The following TLL1 variants were observed in gnomAD, a reference collection of about 807,000 sequenced individuals.
TLL1 encodes the protein tolloid-like protein 1.
TLL1 carries 49 observed loss-of-function variants against 128.2 expected under a neutral mutation model. That is an observed-to-expected ratio of 0.38 (90% confidence interval 0.30 to 0.48). The LOEUF (loss-of-function observed/expected upper bound fraction) is 0.48. TLL1 is among the 20% of genes least tolerant of loss of function. The probability of loss-of-function intolerance (pLI) is 0.96; values close to 1 mark genes in which losing one functional copy is unlikely to be tolerated. For missense variants in TLL1, 1,123 were observed against 1,242.0 expected (o/e 0.90, Z 1.44); for synonymous variants, 454 against 418.8 (o/e 1.08, Z -1.03).
intron 1 of TLL1, among the ~76,000 whole-genome samples, chr4:165,962,078 A>G (rs1348851158): frequency 6.6e-6 from 1 of 152,142 alleles, no homozygotes; most frequent in Non-Finnish European, 1.5e-5. Flanking sequence ...AACAAGTGGG[A>G]TCTAATCAAA....
intron 1 of TLL1, among the ~76,000 whole-genome samples, chr4:165,966,854 C>T (rs1381564290): frequency 6.6e-6 from 1 of 152,074 alleles, no homozygotes; most frequent in Non-Finnish European, 1.5e-5. Context: ...GTTTTATGTC[C>T]CACTGGGCAC....
In TLL1 at chr4:166,066,198, T is replaced by C. The variant is rs1431531709; in HGVS notation, c.2188+335T>C. On this transcript the variant is annotated intron_variant, in intron 16 of 20. Transcript: ENST00000061240. ...TCTTATTTTAATATATTTTCATTAT[T>C]ATTAAGTTAATATTAAAATTGTGCT... is the stretch of plus-strand genomic sequence containing the variant. 3.3e-5 allele frequency among the ~76,000 whole-genome samples: 5 copies of C among 151,698 alleles called. No homozygotes were observed. The East Asian group carries it at 9.7e-4, about 29-fold the overall frequency.
chr4:165,914,493 A>G (rs1380314205), intron 1 of TLL1, among the ~76,000 whole-genome samples: 1 of 152,248 alleles, frequency 6.6e-6, no homozygotes, highest in African/African-American at 2.4e-5. Context: ...GACAGCAAGC[A>G]TGGATATTGA....
chr4:165,963,555 T>C (rs896479547), intron 1 of TLL1, among the ~76,000 whole-genome samples: 8 of 152,176 alleles, frequency 5.3e-5, no homozygotes, highest in Non-Finnish European at 8.8e-5. Flanking sequence ...AACTTAAATG[T>C]TGTAATTTTA....
chr4:166,099,141 T>C lies in TLL1; in HGVS notation c.2657-136T>C. On this transcript the variant is annotated intron_variant, in intron 19 of 20. Transcript: ENST00000061240. ...ATGACACTATCTGACTCTCCAGTTG[T>C]GGAAAACATATCTGACGCTGGAAGT... 2.9e-6 allele frequency: 4 copies of C among 1,392,372 alleles called. No homozygotes were observed. In the Admixed American group the frequency reaches 6.9e-5, roughly 24 times the overall value. The allele number at this position is 1,392,372 out of a possible 1,614,324, so 86.3% of individuals were successfully genotyped here. A position where few individuals can be genotyped will look rare whatever the true frequency, so the allele number is the denominator to read the frequency against.
At chr4:165,879,484 C>T (rs926043336) in intron 1 of TLL1, among the ~76,000 whole-genome samples, 3 of 152,116 alleles carry the variant, frequency 2.0e-5, no homozygotes, top group Non-Finnish European at 4.4e-5. Flanking sequence ...TTGATATGAT[C>T]GCTTACAGAA....
chr4:165,985,650 G>T (rs1189186397), intron 1 of TLL1, among the ~76,000 whole-genome samples: 1 of 151,990 alleles, frequency 6.6e-6, no homozygotes, highest in African/African-American at 2.4e-5. Flanking sequence ...GGGGACATGG[G>T]TGGAAGTGGC....
Position 165,929,738 on chromosome 4 carries a change from A to G in TLL1, c.169+55665A>G, listed in dbSNP as rs1733431686. Among the ~76,000 whole-genome samples the G allele has an allele frequency of 2.6e-5, 4 of 152,322 alleles. No individual in the cohort carries two copies. The South Asian group carries it at 8.3e-4, about 32-fold the overall frequency. ...CTGACTTCTATTTCTAGCCTAGCAG[A>G]TAACTTTTTGTGACACATTATTCCT... On this transcript the variant is annotated intron_variant, in intron 1 of 20. Coordinates refer to ENST00000061240, the MANE Select transcript of TLL1 (RefSeq NM_012464.5).
intron 15 of TLL1, 139 bp from the exon 16 acceptor site, chr4:166,065,544 T>C: frequency 3.6e-6 from 3 of 822,358 alleles, no homozygotes; most frequent in South Asian, 3.3e-5. Context: ...GTGTCTGACC[T>C]GATTTTTTTC....
At chr4:166,038,727 T>A (rs1424747874) in intron 9 of TLL1, among the ~76,000 whole-genome samples, 1 of 152,194 alleles carries the variant, frequency 6.6e-6, no homozygotes, top group Non-Finnish European at 1.5e-5. Flanking sequence ...TGCTGTAACT[T>A]GAAAGGTCTT....
rs1737847103 is a variant in TLL1, at chr4:166,014,523, A to G, written c.1005A>G (p.Gly335=). ...AIGQRTRLSK[G]DIAQARKLYR... Reference sequence around the variant, plus strand: ...GTCAGCGAACCCGTCTAAGCAAAGGAGATATCGCACAGGCAAGAAAGCTGT... The same window carrying G: ...GTCAGCGAACCCGTCTAAGCAAAGGGGATATCGCACAGGCAAGAAAGCTGT... Residue 335 remains glycine, a synonymous_variant, in exon 8 of 21, where the codon GGA becomes GGG. Transcript: ENST00000061240. 6.2e-7 allele frequency: 1 copy of G among 1,612,338 alleles called. No individual in the cohort carries two copies. Among genetic ancestry groups the G allele is most frequent in the Admixed American group, 1.7e-5 (1 of 59,892 alleles).
chr4:165,980,061 T>C (rs1257838674), intron 1 of TLL1, among the ~76,000 whole-genome samples: 3 of 152,142 alleles, frequency 2.0e-5, no homozygotes, highest in Admixed American at 6.5e-5. Flanking sequence ...ACCGTATCCA[T>C]GTTATCATTA....
At chr4:165,939,386 T>A (rs1320054285) in intron 1 of TLL1, among the ~76,000 whole-genome samples, 3 of 152,136 alleles carry the variant, frequency 2.0e-5, no homozygotes, top group Non-Finnish European at 1.5e-5. Flanking sequence ...GCAGGTTTAT[T>A]ATATACTTAG....
intron 1 of TLL1, among the ~76,000 whole-genome samples, chr4:165,961,949 G>A (rs528587788): frequency 2.8e-4 from 43 of 152,074 alleles, no homozygotes; most frequent in South Asian, 1.0e-3. Context: ...ACTAGACATC[G>A]AAGAAACATG....
intron 5 of TLL1, among the ~76,000 whole-genome samples, chr4:166,003,007 A>G (rs1737239889): frequency 6.6e-6 from 1 of 152,226 alleles, no homozygotes. Flanking sequence ...GGATAAAATT[A>G]TATTAGAAAT....
At chr4:166,002,110 G>A (rs1395384656) in intron 5 of TLL1, among the ~76,000 whole-genome samples, 1 of 152,188 alleles carries the variant, frequency 6.6e-6, no homozygotes, top group African/African-American at 2.4e-5. Context: ...CAGTTCTGGA[G>A]ACGCGGCACT....
chr4:165,946,410 ACTG>A (rs1561046474), intron 1 of TLL1, among the ~76,000 whole-genome samples: 1 of 151,710 alleles, frequency 6.6e-6, no homozygotes, highest in East Asian at 1.9e-4. Context: ...ATCATAGCTC[ACTG>A]CAGCCTTGAC....
At chr4:166,052,508 G>T (rs971708218) in intron 12 of TLL1, among the ~76,000 whole-genome samples, 3 of 152,104 alleles carry the variant, frequency 2.0e-5, no homozygotes, top group Non-Finnish European at 4.4e-5. Flanking sequence ...CCTTGGCCAG[G>T]CTGGTCTTGA....
intron 1 of TLL1, among the ~76,000 whole-genome samples, chr4:165,988,647 T>A (rs574374561): frequency 1.4e-3 from 209 of 151,764 alleles, no homozygotes; most frequent in African/African-American, 4.6e-3. Flanking sequence ...ATAATAAAAA[T>A]AATAATAATA....
Sources: allele counts gnomAD v4.1 joint callset (sites outside exome capture counted in the v4.1 genomes callset), GRCh38; gene constraint gnomAD v4.1.1; transcripts MANE v1.5; gene names NCBI Gene and HGNC (gene_info 2026-07-23, HGNC 2026-07-21).